The following PDS5B variants were observed in gnomAD, a reference collection of about 807,000 sequenced individuals.
PDS5B encodes sister chromatid cohesion protein PDS5 homolog B.
PDS5B carries 51 observed loss-of-function variants against 184.1 expected under a neutral mutation model. The observed-to-expected ratio is 0.28, with a 90% CI of 0.22 to 0.35. The LOEUF (loss-of-function observed/expected upper bound fraction) is 0.35. PDS5B is among the 10% of genes least tolerant of loss of function. The probability of loss-of-function intolerance (pLI) is 1.00; values close to 1 mark genes in which losing one functional copy is unlikely to be tolerated. For synonymous variants in PDS5B, 566 were observed against 569.2 expected (o/e 0.99, Z 0.08); for missense variants, 1,180 against 1,723.3 (o/e 0.68, Z 5.58).
chr13:32,753,606 G>A, intron 25 of PDS5B, 70 bp downstream of exon 25: 1 of 913,666 alleles, frequency 1.1e-6, no homozygotes, highest in Non-Finnish European at 1.6e-6. Flanking sequence ...AATATAGCAT[G>A]ATATATGATA....
chr13:32,649,767 A>G (rs914922700), intron 2 of PDS5B: 18 of 152,186 alleles, frequency 1.2e-4, no homozygotes, highest in African/African-American at 4.3e-4. Flanking sequence ...TACTTAAAGT[A>G]TCAGAATGTC....
chr13:32,763,173 G>C (rs1051893025), intron 30 of PDS5B, among the ~76,000 whole-genome samples: 6 of 152,128 alleles, frequency 3.9e-5, no homozygotes, highest in Non-Finnish European at 7.4e-5. Flanking sequence ...AGAGGAAGTT[G>C]AGAGGTAGTC....
intron 1 of PDS5B, among the ~76,000 whole-genome samples, chr13:32,643,405 T>C (rs1187558730): frequency 6.6e-6 from 1 of 152,156 alleles, no homozygotes; most frequent in Non-Finnish European, 1.5e-5. Context: ...TCATTTTGTA[T>C]ATGGTGTGAA....
intron 1 of PDS5B, among the ~76,000 whole-genome samples, chr13:32,637,177 T>C (rs1339800239): frequency 6.6e-6 from 1 of 152,222 alleles, no homozygotes; most frequent in Admixed American, 6.5e-5. Context: ...AAGAATGAGT[T>C]GGATGTGGTG....
At chr13:32,650,873 A>G (rs1219927924) in intron 2 of PDS5B, among the ~76,000 whole-genome samples, 1 of 152,222 alleles carries the variant, frequency 6.6e-6, no homozygotes, top group African/African-American at 2.4e-5. Flanking sequence ...AAGGACCAAG[A>G]CATTTAACAT....
chr13:32,733,985 A>ACACACACACAC (rs1953218446), intron 20 of PDS5B, among the ~76,000 whole-genome samples: 1 of 141,972 alleles, frequency 7.0e-6, no homozygotes, highest in Non-Finnish European at 1.5e-5. Context: ...CAAAAATTAA[A>ACACACACACAC]ACACACACAC....
chr13:32,681,172 T>C (rs1474681766), intron 10 of PDS5B, among the ~76,000 whole-genome samples: 2 of 152,226 alleles, frequency 1.3e-5, no homozygotes, highest in South Asian at 4.1e-4. Context: ...TTCTACTCAC[T>C]GTTGTTACAG....
At chr13:32,768,348 A>G (rs1278731661) in intron 31 of PDS5B, among the ~76,000 whole-genome samples, 1 of 152,126 alleles carries the variant, frequency 6.6e-6, no homozygotes, top group Non-Finnish European at 1.5e-5. Context: ...AAGGACACTA[A>G]TCTCATCATG....
intron 6 of PDS5B, among the ~76,000 whole-genome samples, chr13:32,661,537 G>C (rs1397557494): frequency 1.3e-5 from 2 of 151,934 alleles, no homozygotes; most frequent in Non-Finnish European, 2.9e-5. Flanking sequence ...AACATGAAAG[G>C]TAAGGTCTGA....
intron 2 of PDS5B, among the ~76,000 whole-genome samples, chr13:32,651,104 A>G (rs1330061109): frequency 3.3e-5 from 5 of 152,228 alleles, no homozygotes; most frequent in Admixed American, 3.3e-4. Flanking sequence ...ATGGTATACC[A>G]TTCTATTTTC....
At chr13:32,588,789 T>C (rs188568217) in intron 1 of PDS5B, among the ~76,000 whole-genome samples, 16 of 152,376 alleles carry the variant, frequency 1.1e-4, no homozygotes, top group Middle Eastern at 3.4e-3. Flanking sequence ...TTGTTTAAAT[T>C]GTTCTGCAGC....
At chr13:32,717,711 T>C (rs925912584) in intron 19 of PDS5B, among the ~76,000 whole-genome samples, 25 of 123,444 alleles carry the variant, frequency 2.0e-4, no homozygotes, top group Admixed American at 1.8e-3. Context: ...AATAAATAAA[T>C]CAATAAATTA....
chr13:32,733,821 A>C (rs1953210173), intron 20 of PDS5B, among the ~76,000 whole-genome samples: 1 of 152,130 alleles, frequency 6.6e-6, no homozygotes, highest in Non-Finnish European at 1.5e-5. Context: ...CATTGTTAGT[A>C]GTTTCTAAAC....
intron 24 of PDS5B, among the ~76,000 whole-genome samples, chr13:32,750,052 A>G (rs1305916082): frequency 1.3e-5 from 2 of 152,128 alleles, no homozygotes; most frequent in African/African-American, 4.8e-5. Flanking sequence ...AGCGCTTTTT[A>G]TACTTATTTA....
chr13:32,771,944 TAA>T (rs373941782), intron 33 of PDS5B, among the ~76,000 whole-genome samples: 6 of 142,634 alleles, frequency 4.2e-5, no homozygotes, highest in Admixed American at 2.1e-4. Context: ...AAGTATTTCT[TAA>T]AAAAAAAAAA....
intron 1 of PDS5B, among the ~76,000 whole-genome samples, chr13:32,589,661 A>G (rs1055311386): frequency 2.0e-5 from 3 of 152,238 alleles, no homozygotes; most frequent in Non-Finnish European, 4.4e-5. Context: ...TCAGTTTGCT[A>G]CACAAGTCAT....
At position 32,745,736 on chromosome 13, in the gene PDS5B, T is replaced by A. The variant is rs571109922; in HGVS notation, c.2613-241T>A. On this transcript the variant is annotated intron_variant, in intron 23 of 34. Transcript: ENST00000315596. ...CTCTCAGGCCACTTTTTAAAGACAC[T>A]AATCCCATTCATGAGGGTTTCCCAC... is the stretch of plus-strand genomic sequence containing the variant. 2.6e-5 allele frequency among the ~76,000 whole-genome samples: 4 copies of A among 152,254 alleles called. No individual in the cohort carries two copies. The South Asian group carries it at 8.3e-4, about 32-fold the overall frequency.
intron 8 of PDS5B, among the ~76,000 whole-genome samples, chr13:32,674,439 G>T (rs1951015178): frequency 1.3e-5 from 2 of 152,026 alleles, no homozygotes. Context: ...TGGCCTTCCT[G>T]TCCCCTTTTT....
At chr13:32,760,853 A>G in intron 30 of PDS5B, 133 bp downstream of exon 30, 3 of 840,790 alleles carry the variant, frequency 3.6e-6, no homozygotes, top group South Asian at 1.9e-5. Context: ...TCCATTTAAC[A>G]TTGGTAGTCA....
Sources: gnomAD v4.1 joint callset for allele counts (sites outside exome capture counted in the v4.1 genomes callset) on GRCh38, gnomAD v4.1.1 for gene constraint, MANE v1.5 for transcripts, NCBI Gene and HGNC (gene_info 2026-07-23, HGNC 2026-07-21) for gene names.